The following SEMA5A variants were observed in gnomAD, a reference collection of about 807,000 sequenced individuals.
SEMA5A encodes semaphorin-5A.
Under a neutral mutation model 135.5 loss-of-function variants are expected in SEMA5A, and 55 were observed. The observed-to-expected ratio is 0.41, with a 90% confidence interval of 0.33 to 0.51. The LOEUF is 0.51. SEMA5A is among the 20% of genes least tolerant of loss of function. SEMA5A has a pLI of 0.37. For missense variants in SEMA5A, 1,290 were observed against 1,419.9 expected (o/e 0.91, Z 1.47); for synonymous variants, 580 against 546.5 (o/e 1.06, Z -0.85).
At chr5:9,236,353 C>T (rs1273664271) in intron 6 of SEMA5A, among the ~76,000 whole-genome samples, 1 of 152,180 alleles carries the variant, frequency 6.6e-6, no homozygotes, top group African/African-American at 2.4e-5. Context: ...GTAAGTCTGA[C>T]TCCAGGTCCC....
intron 1 of SEMA5A, among the ~76,000 whole-genome samples, chr5:9,528,876 C>T (rs901559417): frequency 5.3e-5 from 8 of 152,192 alleles, no homozygotes; most frequent in African/African-American, 1.9e-4. Context: ...ATTGTTTGCT[C>T]ACATTCCCAG....
chr5:9,283,157 A>G (rs1300711852), intron 5 of SEMA5A, among the ~76,000 whole-genome samples: 1 of 152,202 alleles, frequency 6.6e-6, no homozygotes, highest in Admixed American at 6.5e-5. Flanking sequence ...TTTGCTGTCT[A>G]ATAAATTGCC....
At chr5:9,349,488 C>T (rs1021617962) in intron 3 of SEMA5A, among the ~76,000 whole-genome samples, 3 of 152,160 alleles carry the variant, frequency 2.0e-5, no homozygotes, top group African/African-American at 7.2e-5. Context: ...AAGATAAATA[C>T]TATCTGATCC....
rs1297534956 is a variant in SEMA5A, at chr5:9,318,405, G to A, written c.237C>T (p.Phe79=). 1.2e-5 allele frequency: 19 copies of A among 1,612,574 alleles called. No individual in the cohort carries two copies. The highest frequency in any genetic ancestry group is 1.6e-5 in the Non-Finnish European group (19 of 1,179,326). The part of the protein sequence containing the change: ...ELVVGARNYL[F]RLQLEDLSLI... The stretch of plus-strand genomic sequence containing the variant: ...GAGACAGATCCTCAAGCTGTAACCT[G>A]AAGAGGTAGTTTCTGCAAAATACAA... The change falls in exon 5 of 23, where the codon TTC becomes TTT. Residue 79 remains phenylalanine (F), a synonymous_variant. Transcript: ENST00000382496.
chr5:9,163,237 A>T (rs1332192145), intron 11 of SEMA5A, among the ~76,000 whole-genome samples: 1 of 151,646 alleles, frequency 6.6e-6, no homozygotes, highest in Non-Finnish European at 1.5e-5. Flanking sequence ...CAGACGATGA[A>T]AAAAAACCTT....
intron 11 of SEMA5A, among the ~76,000 whole-genome samples, chr5:9,161,978 G>A (rs1388144439): frequency 6.6e-6 from 1 of 152,206 alleles, no homozygotes; most frequent in African/African-American, 2.4e-5. Flanking sequence ...GCTATCACTT[G>A]CTGGCACACA....
chr5:9,305,714 A>ATATATATG (rs1751830746), intron 5 of SEMA5A, among the ~76,000 whole-genome samples: 3 of 119,996 alleles, frequency 2.5e-5, no homozygotes, highest in African/African-American at 7.0e-5. Flanking sequence ...GTGCGTATAT[A>ATATATATG]TATATATATA....
intron 5 of SEMA5A, among the ~76,000 whole-genome samples, chr5:9,292,107 G>C (rs1298444906): frequency 6.7e-6 from 1 of 150,286 alleles, no homozygotes; most frequent in Non-Finnish European, 1.5e-5. Flanking sequence ...AGCAACAGTG[G>C]CGTTTAGAAG....
At chr5:9,131,565 G>A (rs539251640) in intron 13 of SEMA5A, among the ~76,000 whole-genome samples, 14 of 128,478 alleles carry the variant, frequency 1.1e-4, no homozygotes, top group African/African-American at 3.9e-4. Flanking sequence ...CTGAGATCTC[G>A]CAACTGCACT....
At chr5:9,478,879 C>A (rs1759768857) in intron 1 of SEMA5A, among the ~76,000 whole-genome samples, 1 of 152,034 alleles carries the variant, frequency 6.6e-6, no homozygotes, top group South Asian at 2.1e-4. Flanking sequence ...TTAGGAGGGG[C>A]CAGGGTGGGA....
intron 5 of SEMA5A, among the ~76,000 whole-genome samples, chr5:9,281,729 A>G (rs1750550804): frequency 6.6e-6 from 1 of 152,178 alleles, no homozygotes; most frequent in African/African-American, 2.4e-5. Context: ...AACAGGAACC[A>G]AGAGATACTG....
chr5:9,478,187 C>T (rs144542672), intron 1 of SEMA5A, among the ~76,000 whole-genome samples: 74 of 152,334 alleles, frequency 4.9e-4, no homozygotes, highest in African/African-American at 1.4e-3. Flanking sequence ...TGAGAACCTC[C>T]GCATGTATTT....
Position 9,275,658 on chromosome 5 carries a change from A to G in SEMA5A, c.271-37768T>C, listed in dbSNP as rs574032494. 3.9e-5 allele frequency among the ~76,000 whole-genome samples: 6 copies of G among 152,310 alleles called. No homozygotes were observed. In the East Asian group the frequency reaches 1.2e-3, roughly 29 times the overall value. ...ACCACAATCAAGTCAGCTTCATCCC[A>G]GGGATGCAGTCTGGTTCAACATACA... On this transcript the variant is annotated intron_variant, in intron 5 of 22. Transcript: ENST00000382496.
At chr5:9,344,787 T>C (rs941434883) in intron 3 of SEMA5A, among the ~76,000 whole-genome samples, 2 of 152,222 alleles carry the variant, frequency 1.3e-5, no homozygotes, top group Admixed American at 6.5e-5. Context: ...TCTCCAAATA[T>C]ATGAGCCTCT....
At chr5:9,129,437 A>G (rs188572560) in intron 13 of SEMA5A, among the ~76,000 whole-genome samples, 2 of 152,340 alleles carry the variant, frequency 1.3e-5, no homozygotes, top group East Asian at 1.9e-4. Flanking sequence ...AGAAAAGTAC[A>G]TGGGTCTTTG....
chr5:9,489,401 G>A (rs1454930235), intron 1 of SEMA5A, among the ~76,000 whole-genome samples: 1 of 152,068 alleles, frequency 6.6e-6, no homozygotes. Context: ...CATACCTTTG[G>A]AATCTCTCTT....
At chr5:9,305,899 G>A (rs1751847176) in intron 5 of SEMA5A, among the ~76,000 whole-genome samples, 1 of 152,012 alleles carries the variant, frequency 6.6e-6, no homozygotes, top group South Asian at 2.1e-4. Flanking sequence ...TCTTCTTCCA[G>A]CATGGCAGAG....
At chr5:9,293,871 A>G (rs1300714775) in intron 5 of SEMA5A, among the ~76,000 whole-genome samples, 1 of 152,176 alleles carries the variant, frequency 6.6e-6, no homozygotes, top group African/African-American at 2.4e-5. Context: ...AAATAGTAAT[A>G]CTGTTGGTGG....
chr5:9,377,556 G>A (rs1489340672), intron 3 of SEMA5A, among the ~76,000 whole-genome samples: 3 of 151,814 alleles, frequency 2.0e-5, no homozygotes, highest in African/African-American at 4.8e-5. Flanking sequence ...AAAAGAGAGA[G>A]AAAAAAGTCA....
Sources: gnomAD v4.1 joint callset for allele counts (sites outside exome capture counted in the v4.1 genomes callset) on GRCh38, gnomAD v4.1.1 for gene constraint, MANE v1.5 for transcripts, NCBI Gene and HGNC (gene_info 2026-07-23, HGNC 2026-07-21) for gene names.